Variants in SHISA6 observed in about 807,000 individuals in gnomAD.
SHISA6 encodes the protein shisa family member 6, also known as protein shisa-6.
A neutral mutation model predicts 47.9 loss-of-function variants in SHISA6; 22 were observed. That is an observed-to-expected ratio of 0.46 (90% CI 0.33 to 0.66). SHISA6 has a LOEUF of 0.66. SHISA6 is among the 30% of genes least tolerant of loss of function. The pLI, the probability that SHISA6 is intolerant of heterozygous loss-of-function variation, is 0.02. For synonymous variants in SHISA6, 388 were observed against 337.8 expected, an observed-to-expected ratio of 1.15 and a Z score of -1.63; for missense variants, 680 against 764.6, an observed-to-expected ratio of 0.89 and a Z score of 1.30.
At chr17:11,275,186 C>G (rs1298765022) in intron 2 of SHISA6, among the ~76,000 whole-genome samples, 1 of 150,898 alleles carries the variant, frequency 6.6e-6, no homozygotes. Flanking sequence ...GGACTGTGTC[C>G]CTGGTGGGGT....
At chr17:11,335,704 G>A (rs1911295051) in intron 2 of SHISA6, among the ~76,000 whole-genome samples, 1 of 152,130 alleles carries the variant, frequency 6.6e-6, no homozygotes, top group Admixed American at 6.5e-5. Context: ...GGAGCCCGAG[G>A]TTCCAGCGAA....
intron 3 of SHISA6, among the ~76,000 whole-genome samples, chr17:11,502,811 T>C (rs1307367605): frequency 6.6e-6 from 1 of 152,222 alleles, no homozygotes; most frequent in Non-Finnish European, 1.5e-5. Flanking sequence ...TGCAATGTCA[T>C]GCTCACCTTT....
At chr17:11,556,259 A>T (rs2071978719) in intron 5 of SHISA6, among the ~76,000 whole-genome samples, 1 of 152,094 alleles carries the variant, frequency 6.6e-6, no homozygotes, top group African/African-American at 2.4e-5. Context: ...AGAGGCTAGC[A>T]ATGGCCAGAA....
At chr17:11,248,054 G>A (rs1907659135) in intron 1 of SHISA6, among the ~76,000 whole-genome samples, 1 of 152,156 alleles carries the variant, frequency 6.6e-6, no homozygotes, top group South Asian at 2.1e-4. Flanking sequence ...GATTACAGGT[G>A]TGAGACACGG....
At chr17:11,454,342 A>G (rs1040690267) in intron 3 of SHISA6, among the ~76,000 whole-genome samples, 4 of 152,076 alleles carry the variant, frequency 2.6e-5, no homozygotes, top group Non-Finnish European at 2.9e-5. Flanking sequence ...CTCTGCCCAC[A>G]TCCGACATCC....
chr17:11,318,317 C>CT (rs1391562555), intron 2 of SHISA6, among the ~76,000 whole-genome samples: 1 of 152,126 alleles, frequency 6.6e-6, no homozygotes, highest in Non-Finnish European at 1.5e-5. Flanking sequence ...GCAATATTTG[C>CT]TTTTTTTACT....
intron 2 of SHISA6, among the ~76,000 whole-genome samples, chr17:11,333,000 C>T (rs991588977): frequency 3.9e-5 from 6 of 152,148 alleles, no homozygotes; most frequent in Admixed American, 1.3e-4. Context: ...TGCAGAGCAG[C>T]GGGGGCCTCC....
Position 11,557,945 on chromosome 17 carries a change from T to C in SHISA6, c.1297T>C (p.Phe433Leu), listed in dbSNP as rs1327433252. 6.4e-7 allele frequency: 1 copy of C among 1,551,290 alleles called. No individual in the cohort carries two copies. Among genetic ancestry groups the C allele is most frequent in the South Asian group, 1.2e-5 (1 of 84,014 alleles). The change falls in exon 6 of 6, where the codon TTC becomes CTC. Residue 433 changes from phenylalanine to leucine, a missense_variant. By Grantham distance (22) the Phe-to-Leu change is conservative. Transcript: ENST00000441885. Reference protein sequence around the residue: ...LSPDRGLPDEFSMPYDRILSD... With the variant: ...LSPDRGLPDELSMPYDRILSD... ...CCCGGATCGGGGCCTGCCAGATGAG[T>C]TCAGCATGCCCTACGACCGCATCCT...
intron 3 of SHISA6, among the ~76,000 whole-genome samples, chr17:11,494,464 C>T (rs565329132): frequency 6.6e-6 from 1 of 152,318 alleles, no homozygotes; most frequent in African/African-American, 2.4e-5. Flanking sequence ...CTCCGCAGTG[C>T]ACCTCTGCAC....
intron 3 of SHISA6, among the ~76,000 whole-genome samples, chr17:11,415,846 T>G (rs537198926): frequency 6.6e-6 from 1 of 152,198 alleles, no homozygotes; most frequent in African/African-American, 2.4e-5. Context: ...CTTAGTGAGT[T>G]TGAGCTGCTA....
intron 2 of SHISA6, among the ~76,000 whole-genome samples, chr17:11,311,040 G>A (rs761084011): frequency 1.1e-4 from 16 of 150,710 alleles, no homozygotes; most frequent in South Asian, 2.1e-4. Flanking sequence ...CCAGGAGGCG[G>A]AGCTTGCAGT....
At chr17:11,388,836 A>T (rs1203039987) in intron 3 of SHISA6, among the ~76,000 whole-genome samples, 4,471 of 117,364 alleles carry the variant, frequency 0.038, 331 homozygotes, top group Admixed American at 0.09. Flanking sequence ...ATATATATAT[A>T]TATATTTTAA....
intron 2 of SHISA6, among the ~76,000 whole-genome samples, chr17:11,278,561 A>G (rs1378418719): frequency 6.6e-6 from 1 of 152,232 alleles, no homozygotes; most frequent in African/African-American, 2.4e-5. Flanking sequence ...AGCCAGAGCT[A>G]TCTAGAAAGT....
rs1470071112 is a variant in SHISA6 at position 11,551,968 on chromosome 17, G to A, written c.952+16G>A. ...CCGCCACATGGTGAGAGATGATTGAGAGCACTCTGCATTTCCTCCTTATTT... is the reference window on the plus strand; with the variant it reads ...CCGCCACATGGTGAGAGATGATTGAAAGCACTCTGCATTTCCTCCTTATTT... On this transcript the variant is annotated intron_variant, in intron 4 of 5. Transcript: ENST00000441885. The A allele has an allele frequency of 6.4e-6, 10 of 1,551,284 alleles. No homozygotes were observed. The highest frequency in any genetic ancestry group is 8.7e-6 in the Non-Finnish European group (10 of 1,146,694).
intron 1 of SHISA6, among the ~76,000 whole-genome samples, chr17:11,250,190 A>G (rs1327014291): frequency 6.6e-6 from 1 of 152,282 alleles, no homozygotes; most frequent in East Asian, 1.9e-4. Flanking sequence ...CTAGTTTGAT[A>G]CTGAGGGTAA....
intron 3 of SHISA6, among the ~76,000 whole-genome samples, chr17:11,508,352 G>GACCATAAA (rs1443193028): frequency 2.1e-5 from 2 of 95,970 alleles, no homozygotes; most frequent in East Asian, 8.2e-4. Context: ...AAGACAGAAG[G>GACCATAAA]GTAAAAAGGG....
At chr17:11,398,808 G>T (rs1235738227) in intron 3 of SHISA6, among the ~76,000 whole-genome samples, 2 of 152,058 alleles carry the variant, frequency 1.3e-5, no homozygotes, top group Non-Finnish European at 2.9e-5. Context: ...GGCCAGGATG[G>T]TCTCGATCTC....
At chr17:11,493,572 CGT>C (rs63674160) in intron 3 of SHISA6, among the ~76,000 whole-genome samples, 76,001 of 151,504 alleles carry the variant, frequency 0.5, 19,345 homozygotes, top group Non-Finnish European at 0.55. Flanking sequence ...TGGATACACG[CGT>C]GCGCGCGCAC....
chr17:11,366,648 G>A (rs1359868763), intron 2 of SHISA6, among the ~76,000 whole-genome samples: 1 of 152,200 alleles, frequency 6.6e-6, no homozygotes, highest in African/African-American at 2.4e-5. Flanking sequence ...ACTCCTGGGA[G>A]GTGGCAGGAC....
Sources: allele counts gnomAD v4.1 joint callset (sites outside exome capture counted in the v4.1 genomes callset), GRCh38; gene constraint gnomAD v4.1.1; transcripts MANE v1.5; gene names NCBI Gene and HGNC (gene_info 2026-07-23, HGNC 2026-07-21).